CLDN10: variants seen among roughly 807,000 people sequenced by gnomAD.
CLDN10 encodes claudin-10.
CLDN10 carries 15 observed loss-of-function variants against 22.9 expected under a neutral mutation model. That is an observed-to-expected ratio of 0.65 (90% CI 0.44 to 1.01). The LOEUF is 1.01. CLDN10 is among the 50% of genes least tolerant of loss of function. The pLI is 0.00. For synonymous variants in CLDN10, 114 were observed against 111.4 expected (o/e 1.02, Z -0.15); for missense variants, 247 against 287.8 (o/e 0.86, Z 1.03).
At chr13:95,556,237 G>C (rs909981043) in intron 1 of CLDN10, among the ~76,000 whole-genome samples, 2 of 152,042 alleles carry the variant, frequency 1.3e-5, no homozygotes, top group African/African-American at 4.8e-5. Context: ...GTAGAGACAG[G>C]GTTTCACCAT....
At chr13:95,523,764 T>C (rs1411889613) in intron 1 of CLDN10, among the ~76,000 whole-genome samples, 2 of 152,182 alleles carry the variant, frequency 1.3e-5, no homozygotes, top group African/African-American at 4.8e-5. Context: ...TTGAAAGATA[T>C]GTTACGGCAT....
chr13:95,547,041 G>C (rs1363946707), intron 1 of CLDN10, among the ~76,000 whole-genome samples: 1 of 142,136 alleles, frequency 7.0e-6, no homozygotes, highest in African/African-American at 2.6e-5. Context: ...CAGGCGGCTG[G>C]CTAACTTTTT....
rs187096837 is a variant in CLDN10, at chr13:95,544,837, T to A, written c.215-15295T>A. Among the ~76,000 whole-genome samples the A allele has an allele frequency of 3.8e-3, 580 of 151,918 alleles. 6 individuals are homozygous for A. Among genetic ancestry groups the A allele is most frequent in the South Asian group, 0.035 (167 of 4,794 alleles). The stretch of plus-strand genomic sequence containing the variant: ...TTCTGCCCAAGCTGGAGTGCAGTGG[T>A]GCGATCTCAGCTCACTGCAACCTCC... On this transcript the variant is annotated intron_variant, in intron 1 of 4. Transcript: ENST00000376873.
chr13:95,485,848 C>G (rs139125419), intron 1 of CLDN10, among the ~76,000 whole-genome samples: 88 of 152,324 alleles, frequency 5.8e-4, no homozygotes, highest in South Asian at 5.2e-3. Flanking sequence ...GATAACCCAG[C>G]TCTTCCCCCA....
At chr13:95,508,358 A>G (rs1019716231) in intron 1 of CLDN10, among the ~76,000 whole-genome samples, 2 of 152,134 alleles carry the variant, frequency 1.3e-5, no homozygotes, top group African/African-American at 4.8e-5. Context: ...TTTGTCTTTC[A>G]TGCTCTTACA....
chr13:95,521,368 G>T (rs1252791665), intron 1 of CLDN10, among the ~76,000 whole-genome samples: 1 of 151,956 alleles, frequency 6.6e-6, no homozygotes, highest in Non-Finnish European at 1.5e-5. Context: ...TTCCTTTTTT[G>T]ATAAGATTTT....
chr13:95,484,407 C>G (rs570269143), intron 1 of CLDN10, among the ~76,000 whole-genome samples: 1 of 152,334 alleles, frequency 6.6e-6, no homozygotes, highest in African/African-American at 2.4e-5. Flanking sequence ...CTAAACACTA[C>G]TTCCCTAATC....
intron 1 of CLDN10, among the ~76,000 whole-genome samples, chr13:95,542,771 C>T (rs2043472348): frequency 6.6e-6 from 1 of 152,198 alleles, no homozygotes; most frequent in Non-Finnish European, 1.5e-5. Flanking sequence ...GGTGCCACTG[C>T]ATTCCAGCCT....
At chr13:95,460,712 T>C (rs2042528174) in intron 1 of CLDN10, among the ~76,000 whole-genome samples, 1 of 152,164 alleles carries the variant, frequency 6.6e-6, no homozygotes, top group Non-Finnish European at 1.5e-5. Flanking sequence ...TATCAATGGC[T>C]CACTGCAGCC....
intron 1 of CLDN10, among the ~76,000 whole-genome samples, chr13:95,516,930 C>A (rs1000547836): frequency 6.6e-6 from 1 of 152,026 alleles, no homozygotes; most frequent in African/African-American, 2.4e-5. Flanking sequence ...CCCATACAGA[C>A]CATTGTGATG....
At chr13:95,466,425 G>C (rs2139095657) in intron 1 of CLDN10, among the ~76,000 whole-genome samples, 1 of 152,222 alleles carries the variant, frequency 6.6e-6, no homozygotes, top group South Asian at 2.1e-4. Flanking sequence ...GTTAAAGTGA[G>C]GCTGCCTGGC....
rs186555492 is a variant in CLDN10 at position 95,447,304 on chromosome 13, C to T, written c.214+13257C>T. Among the ~76,000 whole-genome samples, 100 of 152,284 alleles carry T rather than the reference C, an allele frequency of 6.6e-4. 1 individual carries two copies. Among genetic ancestry groups the T allele is most frequent in the Middle Eastern group, 3.4e-3 (1 of 294 alleles). On this transcript the variant is annotated intron_variant, in intron 1 of 4. Transcript: ENST00000376873. ...CTCTGGAGGACTCCTACAAACGTCC[C>T]CACTAAACTGATTCTACTGCAGTGG...
chr13:95,510,708 A>G (rs1311844278), intron 1 of CLDN10, among the ~76,000 whole-genome samples: 1 of 152,102 alleles, frequency 6.6e-6, no homozygotes, highest in Admixed American at 6.5e-5. Context: ...TCTTTTATAC[A>G]CTATGAAAAC....
intron 1 of CLDN10, among the ~76,000 whole-genome samples, chr13:95,471,955 TTTTTTTTTTG>T (rs547352263): frequency 0.097 from 12,601 of 129,258 alleles, 775 homozygotes; most frequent in South Asian, 0.24. Flanking sequence ...TTTTTTTTTT[TTTTTTTTTTG>T]GTAGAGATAG....
chr13:95,544,523 T>A (rs758051745), intron 1 of CLDN10, among the ~76,000 whole-genome samples: 2 of 152,186 alleles, frequency 1.3e-5, no homozygotes, highest in Non-Finnish European at 2.9e-5. Flanking sequence ...TATTCATTCT[T>A]TACAAACCCT....
intron 1 of CLDN10, among the ~76,000 whole-genome samples, chr13:95,475,854 C>T (rs2042681341): frequency 6.6e-6 from 1 of 152,082 alleles, no homozygotes; most frequent in African/African-American, 2.4e-5. Context: ...CTCTCTCTCC[C>T]TCACCCTCTC....
At chr13:95,478,711 G>T (rs1007889093) in intron 1 of CLDN10, among the ~76,000 whole-genome samples, 1 of 152,342 alleles carries the variant, frequency 6.6e-6, no homozygotes, top group African/African-American at 2.4e-5. Context: ...GTGGTGACTT[G>T]CAGTATGGCA....
chr13:95,506,330 GTT>G (rs2043038453), intron 1 of CLDN10, among the ~76,000 whole-genome samples: 3 of 152,182 alleles, frequency 2.0e-5, no homozygotes, highest in Non-Finnish European at 4.4e-5. Flanking sequence ...CTATGATGGA[GTT>G]TTCTTAAGGA....
intron 1 of CLDN10, among the ~76,000 whole-genome samples, chr13:95,443,818 T>C (rs570590374): frequency 2.7e-4 from 41 of 152,204 alleles, no homozygotes; most frequent in African/African-American, 9.6e-4. Flanking sequence ...GGGGGGTCAT[T>C]TGCTATCTGT....
Sources: gnomAD v4.1 joint callset for allele counts (sites outside exome capture counted in the v4.1 genomes callset) on GRCh38, gnomAD v4.1.1 for gene constraint, MANE v1.5 for transcripts, NCBI Gene and HGNC (gene_info 2026-07-23, HGNC 2026-07-21) for gene names.